Variants in KHDRBS2 observed in about 807,000 individuals in gnomAD.
KHDRBS2 encodes KH RNA binding domain containing, signal transduction associated 2, also known as KH domain-containing, RNA-binding, signal transduction-associated protein 2.
In KHDRBS2, 26 loss-of-function variants were observed where a neutral mutation model predicts 44.3. The observed-to-expected ratio is 0.59, with a 90% CI of 0.43 to 0.81. The LOEUF is 0.81. KHDRBS2 is among the 40% of genes least tolerant of loss of function. The probability of loss-of-function intolerance (pLI) is 0.00; values close to 1 mark genes in which losing one functional copy is unlikely to be tolerated. For missense variants in KHDRBS2, 476 were observed against 433.1 expected (o/e 1.10, Z -0.88); for synonymous variants, 194 against 151.1 (o/e 1.28, Z -2.08).
chr6:62,116,515 A>G (rs939385622), intron 2 of KHDRBS2, among the ~76,000 whole-genome samples: 1 of 152,148 alleles, frequency 6.6e-6, no homozygotes, highest in South Asian at 2.1e-4. Context: ...TATGGGGTAC[A>G]TGTGATATTT....
At chr6:61,600,082 T>C in the KHDRBS2 span, among the ~76,000 whole-genome samples, 1 of 152,212 alleles carries the variant, frequency 6.6e-6, no homozygotes, top group Non-Finnish European at 1.5e-5. Flanking sequence ...TAATCTTAAA[T>C]TTGGAAAAAG....
chr6:62,136,695 G>A (rs1202212023), intron 2 of KHDRBS2, among the ~76,000 whole-genome samples: 1 of 152,166 alleles, frequency 6.6e-6, no homozygotes, highest in African/African-American at 2.4e-5. Flanking sequence ...TCAGTGAGAA[G>A]TTGGCCCCCT....
At chr6:61,738,128 T>G (rs1408249375) in intron 6 of KHDRBS2, among the ~76,000 whole-genome samples, 1 of 152,054 alleles carries the variant, frequency 6.6e-6, no homozygotes. Context: ...TATCATGTCC[T>G]GGCTTATTAG....
intron 2 of KHDRBS2, among the ~76,000 whole-genome samples, chr6:62,130,354 G>A (rs181301415): frequency 8.1e-4 from 123 of 152,202 alleles, no homozygotes; most frequent in Middle Eastern, 3.4e-3. Flanking sequence ...AAGAGCATGG[G>A]CTCTGTAATC....
At chr6:62,008,313 G>A (rs1405338660) in intron 3 of KHDRBS2, among the ~76,000 whole-genome samples, 2 of 151,946 alleles carry the variant, frequency 1.3e-5, no homozygotes, top group Non-Finnish European at 2.9e-5. Flanking sequence ...TTTTTTCCTA[G>A]TCATGTGACA....
intron 4 of KHDRBS2, among the ~76,000 whole-genome samples, chr6:61,931,616 T>C (rs1810067010): frequency 6.6e-6 from 1 of 152,196 alleles, no homozygotes; most frequent in South Asian, 2.1e-4. Context: ...TGAGAGAGTA[T>C]TGCAAACTAG....
At chr6:62,087,300 A>G (rs939883525) in intron 2 of KHDRBS2, among the ~76,000 whole-genome samples, 1 of 152,108 alleles carries the variant, frequency 6.6e-6, no homozygotes, top group African/African-American at 2.4e-5. Context: ...ACATTAAGAA[A>G]ATTATATTGG....
At chr6:62,238,217 A>G (rs1244374886) in intron 1 of KHDRBS2, among the ~76,000 whole-genome samples, 1 of 152,174 alleles carries the variant, frequency 6.6e-6, no homozygotes, top group East Asian at 1.9e-4. Context: ...AATAATATGT[A>G]TGAAAAAATA....
rs1792685872 is a variant in KHDRBS2 at position 61,836,445 on chromosome 6, C to A, written c.810+58190G>T. On this transcript the variant is annotated intron_variant, in intron 6 of 8. Coordinates refer to ENST00000281156, the MANE Select transcript of KHDRBS2 (RefSeq NM_152688.4). Reference sequence around the variant, plus strand: ...AATGACAGGAAGATCAGGCAGGCTGCCTGTTTTTAACTTTATGAAATTTTT... The same window carrying A: ...AATGACAGGAAGATCAGGCAGGCTGACTGTTTTTAACTTTATGAAATTTTT... Among the ~76,000 whole-genome samples, 2 of 151,966 alleles carry A rather than the reference C, an allele frequency of 1.3e-5. 1 individual carries two copies. Among genetic ancestry groups the A allele is most frequent in the South Asian group, 4.1e-4 (2 of 4,832 alleles).
intron 2 of KHDRBS2, among the ~76,000 whole-genome samples, chr6:62,176,512 T>G (rs1488945354): frequency 6.6e-6 from 1 of 151,330 alleles, no homozygotes; most frequent in African/African-American, 2.4e-5. Flanking sequence ...TCAGCTTGAA[T>G]CTTTGAGTTT....
intron 2 of KHDRBS2, among the ~76,000 whole-genome samples, chr6:62,071,752 T>C (rs1457253498): frequency 6.6e-6 from 1 of 152,210 alleles, no homozygotes; most frequent in Non-Finnish European, 1.5e-5. Context: ...AGCCTTGTAG[T>C]ATAGTTTGAA....
intron 6 of KHDRBS2, among the ~76,000 whole-genome samples, chr6:61,871,696 A>G (rs1296331048): frequency 1.3e-5 from 2 of 152,236 alleles, no homozygotes; most frequent in Admixed American, 1.3e-4. Context: ...GTGGGGGCCA[A>G]TATTCAACAT....
chr6:62,277,447 T>C (rs1200473971), intron 1 of KHDRBS2, among the ~76,000 whole-genome samples: 17 of 151,948 alleles, frequency 1.1e-4, no homozygotes, highest in African/African-American at 3.9e-4. Context: ...GTTCACACCA[T>C]TCTCCTGCCT....
intron 1 of KHDRBS2, among the ~76,000 whole-genome samples, chr6:62,240,327 T>C (rs1258070020): frequency 1.3e-5 from 2 of 151,972 alleles, no homozygotes; most frequent in African/African-American, 4.8e-5. Context: ...TAAAAAATGT[T>C]TAGGCTCATC....
At chr6:61,707,070 G>C (rs1236566628) in intron 7 of KHDRBS2, among the ~76,000 whole-genome samples, 2 of 151,698 alleles carry the variant, frequency 1.3e-5, no homozygotes, top group South Asian at 2.1e-4. Context: ...CTTTACAGAT[G>C]ACATTACACT....
chr6:62,104,686 T>A (rs1183880343), intron 2 of KHDRBS2, among the ~76,000 whole-genome samples: 1 of 151,854 alleles, frequency 6.6e-6, no homozygotes, highest in Non-Finnish European at 1.5e-5. Flanking sequence ...ATGCCTATAA[T>A]AAAACAGAAA....
chr6:62,084,761 C>T (rs1003542122), intron 2 of KHDRBS2, among the ~76,000 whole-genome samples: 1 of 152,208 alleles, frequency 6.6e-6, no homozygotes, highest in African/African-American at 2.4e-5. Flanking sequence ...ATCATGGCTT[C>T]TCACATTTCT....
intron 3 of KHDRBS2, among the ~76,000 whole-genome samples, chr6:62,047,641 C>A (rs1225933050): frequency 6.6e-6 from 1 of 151,542 alleles, no homozygotes; most frequent in Non-Finnish European, 1.5e-5. Context: ...GCAACCTACA[C>A]AAAGGACTAA....
At chr6:62,258,167 G>C (rs559360095) in intron 1 of KHDRBS2, among the ~76,000 whole-genome samples, 4 of 152,004 alleles carry the variant, frequency 2.6e-5, no homozygotes, top group Admixed American at 6.6e-5. Context: ...TTCTAGGTGA[G>C]AAGAAACATG....
Sources: gnomAD v4.1 joint callset for allele counts (sites outside exome capture counted in the v4.1 genomes callset) on GRCh38, gnomAD v4.1.1 for gene constraint, MANE v1.5 for transcripts, NCBI Gene and HGNC (gene_info 2026-07-23, HGNC 2026-07-21) for gene names.